The following CNTNAP5 variants were observed in gnomAD, a reference collection of about 807,000 sequenced individuals.
CNTNAP5 encodes contactin-associated protein-like 5.
In CNTNAP5, 72 loss-of-function variants were observed where a neutral mutation model predicts 150.2. The observed-to-expected ratio is 0.48, with a 90% CI of 0.40 to 0.58. The LOEUF (loss-of-function observed/expected upper bound fraction) is 0.58. Among genes scored for constraint, CNTNAP5 ranks in the 20% least tolerant of loss-of-function variants. The pLI is 0.00. For missense variants in CNTNAP5, 1,636 were observed against 1,626.2 expected (o/e 1.01, Z -0.10); for synonymous variants, 672 against 619.8 (o/e 1.08, Z -1.25).
intron 11 of CNTNAP5, among the ~76,000 whole-genome samples, chr2:124,608,596 C>A (rs1311945409): frequency 6.6e-6 from 1 of 152,160 alleles, no homozygotes. Flanking sequence ...ATAAACTGAA[C>A]TTCGTTGTGC....
At chr2:124,676,683 T>G (rs1377016211) in intron 13 of CNTNAP5, among the ~76,000 whole-genome samples, 1 of 152,184 alleles carries the variant, frequency 6.6e-6, no homozygotes, top group South Asian at 2.1e-4. Context: ...GTTAGGCTAC[T>G]GTACTTGTGA....
At chr2:124,471,614 G>T (rs897199440) in intron 6 of CNTNAP5, among the ~76,000 whole-genome samples, 1 of 152,112 alleles carries the variant, frequency 6.6e-6, no homozygotes, top group Non-Finnish European at 1.5e-5. Flanking sequence ...AATAGGAGTG[G>T]TGAGAGAGGG....
At chr2:124,391,892 C>T (rs1228058800) in intron 3 of CNTNAP5, among the ~76,000 whole-genome samples, 5 of 152,098 alleles carry the variant, frequency 3.3e-5, no homozygotes, top group Non-Finnish European at 7.4e-5. Context: ...GGAAGCGGAG[C>T]TTGCAGTGAG....
At chr2:124,849,861 T>A (rs1191750911) in intron 19 of CNTNAP5, among the ~76,000 whole-genome samples, 1 of 152,214 alleles carries the variant, frequency 6.6e-6, no homozygotes, top group African/African-American at 2.4e-5. Flanking sequence ...TCTATGTCTT[T>A]ATTTAAATAA....
Position 124,647,748 on chromosome 2 carries a change from G to T in CNTNAP5, c.1877-10G>T. ...AACGTCTCTTGCTTTGTGTTGTGTT[G>T]TCTGGGCAGAGGACAAGATCTGGAC... On this transcript the variant is annotated splice_polypyrimidine_tract_variant and intron_variant, in intron 12 of 23. Coordinates refer to ENST00000682447, the MANE Select transcript of CNTNAP5 (RefSeq NM_001367498.1). The T allele has an allele frequency of 6.3e-7, 1 of 1,580,592 alleles. No homozygotes were observed. Among genetic ancestry groups the T allele is most frequent in the Non-Finnish European group, 8.6e-7 (1 of 1,157,580 alleles).
rs980662653 is a variant in CNTNAP5, at chr2:124,417,336, A to G, written c.382-107A>G. 9.8e-5 allele frequency: 110 copies of G among 1,124,852 alleles called. No individual in the cohort carries two copies. In the South Asian group the frequency reaches 1.7e-3, roughly 18 times the overall value. 69.7% of individuals were successfully genotyped at this position (1,124,852 alleles called of 1,614,324 possible). A position where few individuals can be genotyped will look rare whatever the true frequency, so the allele number is the denominator to read the frequency against. On this transcript the variant is annotated intron_variant, in intron 3 of 23. Coordinates refer to ENST00000682447, the MANE Select transcript of CNTNAP5 (RefSeq NM_001367498.1). ...AGTCATATTTCAATTGAAATACGTG[A>G]GAAATTAGGTATGTTCTCAGTACGA... is the stretch of plus-strand genomic sequence containing the variant.
chr2:124,434,589 T>A lies in CNTNAP5; in HGVS notation c.635T>A (p.Met212Lys). The change falls in exon 5 of 24, where the codon ATG becomes AAG. Residue 212 changes from methionine (M) to lysine (K), a missense_variant. Transcript: ENST00000682447. ...KDVISLKFKSMQGDGVLFHGE... is the reference protein window; with the variant it reads ...KDVISLKFKSKQGDGVLFHGE... The stretch of plus-strand genomic sequence containing the variant: ...GTGATCTCCCTGAAGTTCAAGAGCA[T>A]GCAAGGAGATGGGGTCCTGTTCCAT... The A allele has an allele frequency of 6.2e-7, 1 of 1,613,980 alleles. No homozygotes were observed. The highest frequency in any genetic ancestry group is 8.5e-7 in the Non-Finnish European group (1 of 1,179,860).
At chr2:124,852,025 A>C (rs915663213) in intron 19 of CNTNAP5, among the ~76,000 whole-genome samples, 13 of 152,182 alleles carry the variant, frequency 8.5e-5, no homozygotes, top group African/African-American at 3.1e-4. Flanking sequence ...GAGGACACAA[A>C]GGAGTTAAGA....
chr2:124,395,737 G>A (rs1691226923), intron 3 of CNTNAP5, among the ~76,000 whole-genome samples: 1 of 151,998 alleles, frequency 6.6e-6, no homozygotes, highest in Non-Finnish European at 1.5e-5. Context: ...TAAATTATTA[G>A]CATACATGTT....
intron 3 of CNTNAP5, among the ~76,000 whole-genome samples, chr2:124,336,454 A>T (rs1573924180): frequency 1.3e-5 from 2 of 151,706 alleles, no homozygotes; most frequent in East Asian, 2.0e-4. Context: ...TACATGTGCC[A>T]TGTTGGTGTG....
At chr2:124,348,687 T>A (rs537648440) in intron 3 of CNTNAP5, among the ~76,000 whole-genome samples, 80 of 152,234 alleles carry the variant, frequency 5.3e-4, no homozygotes, top group African/African-American at 1.7e-3. Context: ...GATATCCGAG[T>A]TCATGGTTTA....
At position 124,263,328 on chromosome 2, in the gene CNTNAP5, A is replaced by G. The variant is rs541475890; in HGVS notation, c.381+20935A>G. Among the ~76,000 whole-genome samples the G allele has an allele frequency of 4.6e-5, 7 of 152,192 alleles. No individual in the cohort carries two copies. The South Asian group carries it at 1.5e-3, about 32-fold the overall frequency. ...AGCACCTGTTGTTTCCTGACTTTTTAATGATGGCCATTCTAACTGGTGTGA... is the reference window on the plus strand; with the variant it reads ...AGCACCTGTTGTTTCCTGACTTTTTGATGATGGCCATTCTAACTGGTGTGA... On this transcript the variant is annotated intron_variant, in intron 3 of 23. Coordinates refer to ENST00000682447, the MANE Select transcript of CNTNAP5 (RefSeq NM_001367498.1).
chr2:124,417,296 C>T lies in CNTNAP5; in HGVS notation c.382-147C>T, dbSNP rs1041157000. 4.1e-5 allele frequency: 32 copies of T among 778,116 alleles called. 1 individual carries two copies. Among genetic ancestry groups the T allele is most frequent in the Admixed American group, 2.8e-5 (1 of 35,418 alleles). The allele number at this position is 778,116 out of a possible 1,614,324, so 48.2% of individuals were successfully genotyped here. On this transcript the variant is annotated intron_variant, in intron 3 of 23. Transcript: ENST00000682447. ...TTTCTGAAAACAAACAAACATGATG[C>T]AGGATTTTCACCCAAGTCATATTTC...
rs540366926 is a variant in CNTNAP5 at position 124,099,423 on chromosome 2, TC to T, written c.82+73692del. Among the ~76,000 whole-genome samples the T allele has an allele frequency of 3.9e-5, 6 of 152,278 alleles. No homozygotes were observed. The South Asian group carries it at 1.2e-3, about 32-fold the overall frequency. On this transcript the variant is annotated intron_variant, in intron 1 of 23. Transcript: ENST00000682447. ...AAGTATTGAAATTCTGAGGGCAAAATCTGTCATATTCACCTGTACCCTATTG... is the reference window on the plus strand; with the variant it reads ...AAGTATTGAAATTCTGAGGGCAAAATTGTCATATTCACCTGTACCCTATTG...
At chr2:124,323,168 G>A (rs1446281893) in intron 3 of CNTNAP5, among the ~76,000 whole-genome samples, 2 of 152,168 alleles carry the variant, frequency 1.3e-5, no homozygotes, top group African/African-American at 4.8e-5. Context: ...GGAGACCCAT[G>A]TGTGCCCAAG....
chr2:124,693,482 C>G (rs144955276), intron 13 of CNTNAP5, among the ~76,000 whole-genome samples: 6 of 152,236 alleles, frequency 3.9e-5, no homozygotes, highest in Admixed American at 2.0e-4. Flanking sequence ...GAGGTGTTAA[C>G]AGTCAGACCT....
chr2:124,889,476 A>C (rs1404137806), intron 21 of CNTNAP5, among the ~76,000 whole-genome samples: 1 of 152,098 alleles, frequency 6.6e-6, no homozygotes, highest in Non-Finnish European at 1.5e-5. Context: ...ACGTATGGAT[A>C]GTCAGCTATC....
intron 1 of CNTNAP5, among the ~76,000 whole-genome samples, chr2:124,057,971 C>T (rs1681902295): frequency 6.6e-6 from 1 of 151,852 alleles, no homozygotes; most frequent in African/African-American, 2.4e-5. Context: ...TATGTAACCA[C>T]AAAAATTAGA....
At chr2:124,522,905 GAGTT>G (rs1694881285) in intron 8 of CNTNAP5, among the ~76,000 whole-genome samples, 1 of 152,192 alleles carries the variant, frequency 6.6e-6, no homozygotes, top group African/African-American at 2.4e-5. Flanking sequence ...TCCTCACATG[GAGTT>G]AGTTAGGCTT....
Sources: gnomAD v4.1 joint callset for allele counts (sites outside exome capture counted in the v4.1 genomes callset) on GRCh38, gnomAD v4.1.1 for gene constraint, MANE v1.5 for transcripts, NCBI Gene and HGNC (gene_info 2026-07-23, HGNC 2026-07-21) for gene names.